Variants in C1orf232 observed in about 807,000 individuals in gnomAD.
C1orf232 encodes the protein uncharacterized protein C1orf232.
A neutral mutation model predicts 12.1 loss-of-function variants in C1orf232; 10 were observed. That is an observed-to-expected ratio of 0.82 (90% CI 0.51 to 1.40). The LOEUF is 1.40. Among genes scored for constraint, C1orf232 ranks in the 40% most tolerant of loss-of-function variants. The pLI is 0.00. For missense variants in C1orf232, 88 were observed against 98.4 expected, an observed-to-expected ratio of 0.89 and a Z score of 0.45; for synonymous variants, 36 against 39.8, an observed-to-expected ratio of 0.90 and a Z score of 0.36.
intron 1 of C1orf232, 30 bp downstream of exon 1, chr1:26,168,386 C>G (rs767136664): frequency 2.1e-4 from 262 of 1,225,500 alleles, no homozygotes; most frequent in Non-Finnish European, 2.5e-4. Flanking sequence ...TCTGCACATG[C>G]TCCACCCACC....
In C1orf232 at chr1:26,166,078, G is replaced by C; in HGVS notation, c.125C>G (p.Pro42Arg). The C allele has an allele frequency of 1.6e-6, 2 of 1,231,616 alleles. No homozygotes were observed. Among genetic ancestry groups the C allele is most frequent in the Non-Finnish European group, 2.0e-6 (2 of 987,966 alleles). 76.3% of individuals were successfully genotyped at this position (1,231,616 alleles called of 1,614,324 possible). ...PALVGSETAEPTEETFNPMSQ... is the reference protein window; with the variant it reads ...PALVGSETAERTEETFNPMSQ... ...CATGGGATTGAAGGTCTCCTCGGTC[G>C]GTTCTGCTGTCTCAGACCCCACTAA... The change falls in exon 2 of 4, where the codon CCG (proline) becomes CGG (arginine). Residue 42 changes from proline (P) to arginine (R), a missense_variant. Physicochemically the swap from Pro to Arg is moderately radical, Grantham distance 103 (BLOSUM62 -2). Transcript: ENST00000634842.
At chr1:26,167,660 C>T (rs1242044877) in intron 1 of C1orf232, among the ~76,000 whole-genome samples, 3 of 152,012 alleles carry the variant, frequency 2.0e-5, no homozygotes, top group Non-Finnish European at 4.4e-5. Flanking sequence ...CTTGCTCTGT[C>T]GCCCAGGCTG....
At chr1:26,168,383 A>G in intron 1 of C1orf232, 33 bp downstream of exon 1, 1 of 1,224,984 alleles carries the variant, frequency 8.2e-7, no homozygotes, top group East Asian at 3.2e-5. Flanking sequence ...CCCTCTGCAC[A>G]TGCTCCACCC....
In C1orf232 at chr1:26,166,085, C is replaced by T; in HGVS notation, c.118G>A (p.Ala40Thr). ...TTGAAGGTCTCCTCGGTCGGTTCTG[C>T]TGTCTCAGACCCCACTAATGCTGGG... ...ENPALVGSET[A>T]EPTEETFNPM... is the part of the protein sequence containing the mutation. The change falls in exon 2 of 4, where the codon GCA (alanine) becomes ACA (threonine). Residue 40 changes from alanine (A) to threonine (T), a missense_variant. Physicochemically the swap from Ala to Thr is moderately conservative, Grantham distance 58. Transcript: ENST00000634842. The T allele has an allele frequency of 1.6e-6, 2 of 1,231,692 alleles. No homozygotes were observed. Among genetic ancestry groups the T allele is most frequent in the Non-Finnish European group, 2.0e-6 (2 of 987,980 alleles). The allele number at this position is 1,231,692 out of a possible 1,614,324, so 76.3% of individuals were successfully genotyped here. A position where few individuals can be genotyped will look rare whatever the true frequency, so the allele number is the denominator to read the frequency against.
intron 1 of C1orf232, among the ~76,000 whole-genome samples, chr1:26,166,441 C>T (rs534685301): frequency 9.9e-5 from 15 of 152,164 alleles, no homozygotes; most frequent in Non-Finnish European, 1.9e-4. Context: ...GCCTTAGCCT[C>T]CTGAGTATCT....
chr1:26,165,754 A>G (rs2088418692), intron 3 of C1orf232, 72 bp downstream of exon 3: 2 of 1,231,786 alleles, frequency 1.6e-6, no homozygotes, highest in African/African-American at 1.5e-5. Flanking sequence ...CAAACAAACC[A>G]GAAGGAAAGG....
chr1:26,168,083 C>G (rs769886155), intron 1 of C1orf232, among the ~76,000 whole-genome samples: 6 of 152,188 alleles, frequency 3.9e-5, no homozygotes, highest in Non-Finnish European at 8.8e-5. Context: ...CTACATCACT[C>G]CTACTTCTGC....
In C1orf232 at chr1:26,168,525, C is replaced by T. The variant is rs1238717900; in HGVS notation, c.-26G>A. Reference sequence around the variant, plus strand: ...GGCTGCAGGGGGAAGGGGCCTGGCACGCAAGCACAGGAAGGTGGTGGCTCA... The same window carrying T: ...GGCTGCAGGGGGAAGGGGCCTGGCATGCAAGCACAGGAAGGTGGTGGCTCA... On this transcript the variant is annotated 5_prime_UTR_variant, in exon 1 of 4. It adds an upstream start codon to the 5' untranslated region. Transcript: ENST00000634842. 9 of 1,229,536 alleles carry T rather than the reference C, an allele frequency of 7.3e-6. No homozygotes were observed. The Middle Eastern group carries it at 9.4e-4, about 128-fold the overall frequency. 76.2% of individuals were successfully genotyped at this position (1,229,536 alleles called of 1,614,324 possible).
chr1:26,168,393 C>T (rs1462180335), intron 1 of C1orf232, 23 bp downstream of exon 1: 5 of 1,229,040 alleles, frequency 4.1e-6, no homozygotes, highest in Non-Finnish European at 2.0e-6. Context: ...ATGCTCCACC[C>T]ACCATGCATG....
chr1:26,166,219 TC>T (rs1173078737), intron 1 of C1orf232, 101 bp from the exon 2 acceptor site: 51 of 825,866 alleles, frequency 6.2e-5, no homozygotes, highest in Non-Finnish European at 8.2e-5. Flanking sequence ...GCACCCCAAA[TC>T]CCACAGAACT....
chr1:26,165,726 C>A (rs2088418350), intron 3 of C1orf232, 100 bp downstream of exon 3: 2 of 1,231,434 alleles, frequency 1.6e-6, no homozygotes, highest in East Asian at 6.3e-5. Context: ...CCTCCCCAGC[C>A]CTCAGTGGTT....
At position 26,168,635 on chromosome 1, in the gene C1orf232, C is replaced by A. The variant is rs1039619675; in HGVS notation, c.-136G>T. On this transcript the variant is annotated 5_prime_UTR_variant, in exon 1 of 4. Coordinates refer to ENST00000634842, the MANE Select transcript of C1orf232 (RefSeq NM_001364669.2). Reference sequence around the variant, plus strand: ...TCCAGTGACTTCATTAAAGATGCACCAGCCTCCCCAGCTGGCACAGTGCCC... The same window carrying A: ...TCCAGTGACTTCATTAAAGATGCACAAGCCTCCCCAGCTGGCACAGTGCCC... 2.7e-5 allele frequency: 13 copies of A among 481,520 alleles called. No individual in the cohort carries two copies. The highest frequency in any genetic ancestry group is 1.3e-4 in the Admixed American group (3 of 22,732). The allele number at this position is 481,520 out of a possible 1,614,324, so 29.8% of individuals were successfully genotyped here.
Position 26,164,537 on chromosome 1 carries a change from G to T in C1orf232, c.267-82C>A. The T allele has an allele frequency of 2.8e-6, 1 of 361,476 alleles. No individual in the cohort carries two copies. 22.4% of individuals were successfully genotyped at this position (361,476 alleles called of 1,614,324 possible). On this transcript the variant is annotated intron_variant, in intron 3 of 3. Coordinates refer to ENST00000634842, the MANE Select transcript of C1orf232 (RefSeq NM_001364669.2). This position sits in a 1 kb window ranked among gnomAD's most constrained non-coding sequence, Gnocchi z 4.2. ...GGCTGGGCTGACGGAGGAGTTTAGT[G>T]GGGCCGGGGGAACCTGGGCGGAGTC...
rs544797323 is a variant in C1orf232, at chr1:26,166,214, C to T, written c.85-96G>A. 4.7e-4 allele frequency: 406 copies of T among 858,362 alleles called. 6 individuals carry two copies. In the South Asian group the frequency reaches 0.021, roughly 45 times the overall value. 53.2% of individuals were successfully genotyped at this position (858,362 alleles called of 1,614,324 possible). On this transcript the variant is annotated intron_variant, in intron 1 of 3. Coordinates refer to ENST00000634842, the MANE Select transcript of C1orf232 (RefSeq NM_001364669.2). ...GCCTAGTACACACAGACCAGGCACC[C>T]CAAATCCCACAGAACTAAACACACA...
At chr1:26,166,157 C>T in intron 1 of C1orf232, 39 bp from the exon 2 acceptor site, 6 of 1,224,586 alleles carry the variant, frequency 4.9e-6, no homozygotes, top group Non-Finnish European at 6.1e-6. Flanking sequence ...AGAGAGGCCG[C>T]AGAGGAGTGA....
chr1:26,165,707 G>A, intron 3 of C1orf232, 119 bp downstream of exon 3: 1 of 1,230,486 alleles, frequency 8.1e-7, no homozygotes, highest in Non-Finnish European at 1.0e-6. Context: ...GAAACAGCCT[G>A]GGACTGCCCC....
chr1:26,167,054 A>G (rs187969266), intron 1 of C1orf232, among the ~76,000 whole-genome samples: 31 of 152,346 alleles, frequency 2.0e-4, no homozygotes, highest in African/African-American at 7.2e-4. Context: ...ACATTTCTGC[A>G]CAAGCCCAGC....
At chr1:26,166,369 G>A (rs1206637635) in intron 1 of C1orf232, among the ~76,000 whole-genome samples, 2 of 151,908 alleles carry the variant, frequency 1.3e-5, no homozygotes, top group Non-Finnish European at 2.9e-5. Flanking sequence ...CTTGCCGTGG[G>A]GTGCAGTGGT....
intron 1 of C1orf232, among the ~76,000 whole-genome samples, chr1:26,166,733 C>T (rs2088431394): frequency 6.6e-6 from 1 of 152,130 alleles, no homozygotes; most frequent in Non-Finnish European, 1.5e-5. Context: ...TGAGCATGCC[C>T]CCACATGGCT....
Sources: allele counts gnomAD v4.1 joint callset (sites outside exome capture counted in the v4.1 genomes callset), GRCh38; gene constraint gnomAD v4.1.1; non-coding constraint Gnocchi (gnomAD v3.1); transcripts MANE v1.5; gene names NCBI Gene and HGNC (gene_info 2026-07-23, HGNC 2026-07-21).